DNAH9: variants seen among roughly 807,000 people sequenced by gnomAD.
DNAH9 encodes the protein DNAH9 variant protein.
In DNAH9, 345 loss-of-function variants were observed where a neutral mutation model predicts 471.6. The ratio of observed to expected loss-of-function variants is 0.73; its 90% CI spans 0.67 to 0.80. The LOEUF is 0.80. DNAH9 is among the 30% of genes least tolerant of loss of function. The probability of loss-of-function intolerance (pLI) is 0.00; values close to 1 mark genes in which losing one functional copy is unlikely to be tolerated. For synonymous variants in DNAH9, 2,093 were observed against 2,123.6 expected, an observed-to-expected ratio of 0.99 and a Z score of 0.40; for missense variants, 5,407 against 5,609.2, an observed-to-expected ratio of 0.96 and a Z score of 1.15.
At chr17:11,834,510 G>A (rs1970780852) in intron 48 of DNAH9, 128 bp from the exon 49 acceptor site, 2 of 1,100,644 alleles carry the variant, frequency 1.8e-6, no homozygotes, top group East Asian at 5.0e-5. Context: ...CTTTGTATCA[G>A]GAGCTGTCAT....
At chr17:11,843,859 G>GCATATATATA (rs1971112867) in intron 49 of DNAH9, among the ~76,000 whole-genome samples, 1 of 47,014 alleles carries the variant, frequency 2.1e-5, no homozygotes, top group Non-Finnish European at 3.6e-5. Context: ...GTGTGTGTGT[G>GCATATATATA]TGTGTATATA....
rs768481875 is a variant in DNAH9, at chr17:11,598,800, T to C, written c.302T>C (p.Leu101Pro). 23 of 1,475,884 alleles carry C rather than the reference T, an allele frequency of 1.6e-5. No individual in the cohort carries two copies. The highest frequency in any genetic ancestry group is 5.6e-5 in the East Asian group (2 of 35,586). The allele number at this position is 1,475,884 out of a possible 1,614,324, so 91.4% of individuals were successfully genotyped here. A position where few individuals can be genotyped will look rare whatever the true frequency, so the allele number is the denominator to read the frequency against. Residue 101 changes from leucine (L) to proline (P), a missense_variant, in exon 1 of 69, where the codon CTT becomes CCT. This residue lies in a region of DNAH9 where 767 missense variants were observed against 692.5 expected (regional missense o/e 1.11). Coordinates refer to ENST00000262442, the MANE Select transcript of DNAH9 (RefSeq NM_001372.4). ...TCGGGCCTGGCTGGCGCTAAGGCGC[T>C]TTTTTTCCTTCGCACCGGGCCCGAG... ...PESGLAGAKA[L>P]FFLRTGPEPP...
intron 67 of DNAH9, 94 bp from the exon 68 acceptor site, chr17:11,961,773 G>T (rs1976204014): frequency 7.1e-7 from 1 of 1,413,084 alleles, no homozygotes; most frequent in Non-Finnish European, 9.6e-7. Context: ...ACTCTTGTCT[G>T]CCTGGGTGCC....
intron 61 of DNAH9, among the ~76,000 whole-genome samples, chr17:11,915,499 G>C (rs1205332743): frequency 1.3e-5 from 2 of 151,744 alleles, no homozygotes; most frequent in Admixed American, 6.6e-5. Flanking sequence ...ACTTCAACTT[G>C]GCGACACAGA....
At chr17:11,819,771 G>A (rs8074872) in intron 45 of DNAH9, among the ~76,000 whole-genome samples, 7,519 of 152,238 alleles carry the variant, frequency 0.049, 630 homozygotes, top group African/African-American at 0.17. Context: ...GTCTCCTTAT[G>A]AAGCTATCTT....
chr17:11,696,723 A>G (rs1254014864), intron 22 of DNAH9, among the ~76,000 whole-genome samples: 2 of 152,162 alleles, frequency 1.3e-5, no homozygotes, highest in Admixed American at 6.5e-5. Flanking sequence ...TTTTTCCTAT[A>G]GATGAAAATA....
At chr17:11,824,189 G>A (rs868076894) in intron 48 of DNAH9, among the ~76,000 whole-genome samples, 24 of 152,208 alleles carry the variant, frequency 1.6e-4, no homozygotes, top group African/African-American at 5.3e-4. Context: ...GAAATTTCAT[G>A]AATTTGCACA....
At chr17:11,902,944 A>T in intron 60 of DNAH9, 32 bp downstream of exon 60, 1 of 1,601,546 alleles carries the variant, frequency 6.2e-7, no homozygotes. Flanking sequence ...GGCCCAGCAT[A>T]GGCATGGGGC....
intron 61 of DNAH9, among the ~76,000 whole-genome samples, chr17:11,913,353 A>G (rs1409625748): frequency 2.0e-5 from 3 of 152,200 alleles, no homozygotes; most frequent in African/African-American, 7.2e-5. Flanking sequence ...CACTTACCAT[A>G]ATTTATTTCT....
intron 43 of DNAH9, among the ~76,000 whole-genome samples, chr17:11,805,519 AGTTCTTTTTTTTTTT>A (rs1969633808): frequency 1.2e-5 from 1 of 86,738 alleles, no homozygotes; most frequent in Non-Finnish European, 2.3e-5. Context: ...ACTTTACCCG[AGTTCTTTTTTTTTTT>A]TTTTTTTTTT....
chr17:11,850,914 G>T (rs1472640713), intron 49 of DNAH9, among the ~76,000 whole-genome samples: 1 of 152,138 alleles, frequency 6.6e-6, no homozygotes, highest in Non-Finnish European at 1.5e-5. Context: ...TGGTTAACAA[G>T]ATAAATGGAG....
Position 11,932,815 on chromosome 17 carries a change from C to A in DNAH9, c.12297+610C>A, listed in dbSNP as rs1974563035. On this transcript the variant is annotated intron_variant, in intron 64 of 68. Coordinates refer to ENST00000262442, the MANE Select transcript of DNAH9 (RefSeq NM_001372.4). The surrounding 1 kb of genome is among the most constrained non-coding windows in gnomAD (Gnocchi z 4.3). Reference sequence around the variant, plus strand: ...CCAGACCATACCTATGTCTTCACAGCATGGCAGGTAGACTGTGATCAGCAG... The same window carrying A: ...CCAGACCATACCTATGTCTTCACAGAATGGCAGGTAGACTGTGATCAGCAG... 8.0e-6 allele frequency among the ~76,000 whole-genome samples: 1 copy of A among 125,546 alleles called. No individual in the cohort carries two copies. The highest frequency in any genetic ancestry group is 3.0e-5 in the African/African-American group (1 of 33,346). The allele number at this position is 125,546 out of a possible 152,430, so 82.4% of individuals were successfully genotyped here.
intron 39 of DNAH9, 62 bp downstream of exon 39, chr17:11,781,236 C>A (rs1440283405): frequency 6.5e-7 from 1 of 1,540,574 alleles, no homozygotes. Flanking sequence ...GGGCTGAAGG[C>A]CAGTCTCTAT....
intron 49 of DNAH9, among the ~76,000 whole-genome samples, chr17:11,846,483 C>T (rs1451834626): frequency 6.1e-5 from 9 of 146,644 alleles, no homozygotes; most frequent in South Asian, 2.1e-4. Context: ...CTTGGCGATG[C>T]GGGCTCTTTT....
chr17:11,943,608 C>T (rs1975016071), intron 67 of DNAH9, among the ~76,000 whole-genome samples: 1 of 151,924 alleles, frequency 6.6e-6, no homozygotes, highest in Non-Finnish European at 1.5e-5. Flanking sequence ...ACCTGGGAGG[C>T]GGAGCTTGCA....
intron 14 of DNAH9, among the ~76,000 whole-genome samples, chr17:11,659,476 C>T (rs186971736): frequency 7.9e-5 from 12 of 152,258 alleles, no homozygotes; most frequent in Admixed American, 2.0e-4. Flanking sequence ...GGGCATAAAA[C>T]CCCTTGTGGC....
At position 11,707,196 on chromosome 17, in the gene DNAH9, G is replaced by T. The variant is rs765780396; in HGVS notation, c.5552+2011G>T. ...CATTAAACCTCCTCTTCCCCAAAAG[G>T]AATTGTATGTCTGAATAACTGGTTC... On this transcript the variant is annotated intron_variant, in intron 26 of 68. Coordinates refer to ENST00000262442, the MANE Select transcript of DNAH9 (RefSeq NM_001372.4). Among the ~76,000 whole-genome samples, 36 of 152,214 alleles carry T rather than the reference G, an allele frequency of 2.4e-4. No individual in the cohort carries two copies. In the Middle Eastern group the frequency reaches 0.014, roughly 58 times the overall value.
chr17:11,893,761 T>C (rs1263902510), intron 58 of DNAH9, among the ~76,000 whole-genome samples: 5 of 152,134 alleles, frequency 3.3e-5, no homozygotes, highest in African/African-American at 1.2e-4. Flanking sequence ...ACCTAAGGCA[T>C]GCAGGGCTTC....
At chr17:11,779,634 C>T (rs1968595528) in intron 38 of DNAH9, among the ~76,000 whole-genome samples, 2 of 152,128 alleles carry the variant, frequency 1.3e-5, no homozygotes, top group Non-Finnish European at 2.9e-5. Flanking sequence ...ATATCATTGC[C>T]TTGGGAGGAG....
Sources: gnomAD v4.1 joint callset for allele counts (sites outside exome capture counted in the v4.1 genomes callset) on GRCh38, gnomAD v4.1.1 for gene constraint, gnomAD v4.1.1 regional missense constraint, Gnocchi (gnomAD v3.1) non-coding constraint, MANE v1.5 for transcripts, NCBI Gene and HGNC (gene_info 2026-07-23, HGNC 2026-07-21) for gene names.